The following BEND7 variants were observed in gnomAD, a reference collection of about 807,000 sequenced individuals.
BEND7 encodes the protein BEN domain-containing protein 7.
BEND7 carries 28 observed loss-of-function variants against 50.9 expected under a neutral mutation model. The observed-to-expected ratio is 0.55, with a 90% CI of 0.41 to 0.75. The LOEUF is 0.75. Among genes scored for constraint, BEND7 ranks in the 30% least tolerant of loss-of-function variants. The pLI, the probability that BEND7 is intolerant of heterozygous loss-of-function variation, is 0.00. For synonymous variants in BEND7, 170 were observed against 183.9 expected (o/e 0.92, Z 0.61); for missense variants, 477 against 491.3 (o/e 0.97, Z 0.28).
intron 6 of BEND7, among the ~76,000 whole-genome samples, chr10:13,468,508 C>T (rs368077770): frequency 3.3e-5 from 5 of 152,100 alleles, no homozygotes; most frequent in East Asian, 1.9e-4. Context: ...GGCCAGAGTT[C>T]GGACTGAATA....
At chr10:13,461,920 AAAAAG>A (rs1252849808) in intron 6 of BEND7, among the ~76,000 whole-genome samples, 1 of 152,136 alleles carries the variant, frequency 6.6e-6, no homozygotes, top group Non-Finnish European at 1.5e-5. Context: ...TTCTCACAGA[AAAAAG>A]AAAAGAAAAG....
chr10:13,439,418 T>A (rs771098472), downstream of BEND7: 1 of 1,614,026 alleles, frequency 6.2e-7, no homozygotes, highest in Non-Finnish European at 8.5e-7. Flanking sequence ...CTTGTGACAT[T>A]GTCTGAGGTG....
intron 2 of BEND7, chr10:13,500,886 G>T: frequency 2.1e-6 from 2 of 961,972 alleles, no homozygotes; most frequent in Non-Finnish European, 2.5e-6. Flanking sequence ...CATGCCAAAC[G>T]CACTGCCACC....
At chr10:13,459,665 C>G (rs1839809554) in intron 6 of BEND7, 1 of 152,180 alleles carries the variant, frequency 6.6e-6, no homozygotes, top group African/African-American at 2.4e-5. Context: ...GCAGACCACT[C>G]AGAAAAAATT....
chr10:13,524,836 G>C (rs1037895331), intron 2 of BEND7, among the ~76,000 whole-genome samples: 3 of 152,050 alleles, frequency 2.0e-5, no homozygotes, highest in African/African-American at 7.2e-5. Flanking sequence ...TCCCTCAGCA[G>C]AAAGATCTAT....
chr10:13,500,720 G>A (rs764063758), intron 2 of BEND7: 4 of 985,516 alleles, frequency 4.1e-6, no homozygotes, highest in South Asian at 4.7e-5. Context: ...GGCGCCGAGT[G>A]TGGCAGCATG....
In BEND7 at chr10:13,519,200, C is replaced by T. The variant is rs542160075; in HGVS notation, c.145+6938G>A. Among the ~76,000 whole-genome samples, 22 of 152,238 alleles carry T rather than the reference C, an allele frequency of 1.4e-4. 1 individual carries two copies. The South Asian group carries it at 3.7e-3, about 26-fold the overall frequency. On this transcript the variant is annotated intron_variant, in intron 2 of 8. Coordinates refer to ENST00000466271, the MANE Select transcript of BEND7 (RefSeq NM_001369863.1). Reference sequence around the variant, plus strand: ...GAATAGATAACTCCTAGGCTGGGCACGGTGGCTCACGCCTGTAATCCCAGC... The same window carrying T: ...GAATAGATAACTCCTAGGCTGGGCATGGTGGCTCACGCCTGTAATCCCAGC...
intron 6 of BEND7, among the ~76,000 whole-genome samples, chr10:13,462,715 G>T (rs368093907): frequency 1.3e-5 from 2 of 152,266 alleles, no homozygotes; most frequent in East Asian, 3.9e-4. Flanking sequence ...ATGTTTCAGA[G>T]GGAGAGAATT....
intron 2 of BEND7, among the ~76,000 whole-genome samples, chr10:13,514,671 C>T (rs2078533599): frequency 6.6e-6 from 1 of 152,178 alleles, no homozygotes; most frequent in African/African-American, 2.4e-5. Context: ...AAGAGGAACA[C>T]TGAACTTGTA....
intron 2 of BEND7, chr10:13,500,835 T>C (rs1188670541): frequency 2.0e-6 from 2 of 985,372 alleles, no homozygotes; most frequent in South Asian, 4.7e-5. Context: ...GTACCAGCAC[T>C]GGAAGGGCGG....
chr10:13,467,888 G>T (rs925917748), intron 6 of BEND7, among the ~76,000 whole-genome samples: 1 of 152,064 alleles, frequency 6.6e-6, no homozygotes, highest in Admixed American at 6.6e-5. Flanking sequence ...TGTATTTATG[G>T]ATCATTAGTT....
intron 7 of BEND7, among the ~76,000 whole-genome samples, chr10:13,449,356 G>GTGT (rs1837182490): frequency 6.6e-6 from 1 of 152,042 alleles, no homozygotes; most frequent in South Asian, 2.1e-4. Context: ...ATGCTCACGG[G>GTGT]GCACTTGACA....
At chr10:13,450,658 C>T (rs902359345) in intron 7 of BEND7, among the ~76,000 whole-genome samples, 4 of 152,058 alleles carry the variant, frequency 2.6e-5, no homozygotes, top group African/African-American at 7.3e-5. Flanking sequence ...CCAAGGGAGC[C>T]GATCACAAGT....
chr10:13,473,434 C>G lies in BEND7; in HGVS notation c.1063+7465G>C, dbSNP rs117225307. Among the ~76,000 whole-genome samples, 10 of 150,152 alleles carry G rather than the reference C, an allele frequency of 6.7e-5. No homozygotes were observed. In the East Asian group the frequency reaches 2.0e-3, roughly 30 times the overall value. ...GACTCGGGGCCGACATCCGTCATCA[C>G]TGTCAGATTTGGGGTCGATACCCAT... On this transcript the variant is annotated intron_variant, in intron 6 of 8. Coordinates refer to ENST00000466271, the MANE Select transcript of BEND7 (RefSeq NM_001369863.1).
chr10:13,462,216 C>G (rs1297540618), intron 6 of BEND7, among the ~76,000 whole-genome samples: 1 of 152,080 alleles, frequency 6.6e-6, no homozygotes, highest in Non-Finnish European at 1.5e-5. Flanking sequence ...AAGACATACC[C>G]GAGACTGGGT....
At chr10:13,499,675 T>C in intron 3 of BEND7, 103 bp downstream of exon 3, 1 of 1,315,160 alleles carries the variant, frequency 7.6e-7, no homozygotes, top group Non-Finnish European at 1.0e-6. Flanking sequence ...AGGCAGGTAA[T>C]TATGGGAGGG....
intron 7 of BEND7, among the ~76,000 whole-genome samples, chr10:13,451,749 A>C (rs2131025916): frequency 3.5e-5 from 2 of 56,980 alleles, no homozygotes; most frequent in African/African-American, 9.6e-5. Flanking sequence ...CCCTAATGCT[A>C]TCCCTCCCCC....
In BEND7 at chr10:13,492,767, T is replaced by C; in HGVS notation, c.681A>G (p.Glu227=). The change falls in exon 5 of 9, where the codon GAA becomes GAG. Residue 227 remains glutamate, a synonymous_variant. Transcript: ENST00000466271. The part of the protein sequence containing the change: ...KKKKVPPKTV[E]PLTVKQKPSG... ...TGGGCTTCTGTTTCACAGTAAGAGG[T>C]TCCACAGTCTTTGGGGGCACTTTTT... is the stretch of plus-strand genomic sequence containing the variant. The C allele has an allele frequency of 6.2e-7, 1 of 1,612,940 alleles. No homozygotes were observed. The highest frequency in any genetic ancestry group is 8.5e-7 in the Non-Finnish European group (1 of 1,179,784).
At chr10:13,451,612 CT>C (rs912241934) in intron 7 of BEND7, among the ~76,000 whole-genome samples, 5 of 151,298 alleles carry the variant, frequency 3.3e-5, no homozygotes, top group African/African-American at 1.2e-4. Flanking sequence ...GATAGTTATT[CT>C]TTTTTTTTAA....
Sources: gnomAD v4.1 joint callset for allele counts (sites outside exome capture counted in the v4.1 genomes callset) on GRCh38, gnomAD v4.1.1 for gene constraint, MANE v1.5 for transcripts, NCBI Gene and HGNC (gene_info 2026-07-23, HGNC 2026-07-21) for gene names.